The following ARIH1 variants were observed in gnomAD, a reference collection of about 807,000 sequenced individuals.
ARIH1 encodes E3 ubiquitin-protein ligase ARIH1.
ARIH1 carries 8 observed loss-of-function variants against 85.0 expected under a neutral mutation model. The observed-to-expected ratio is 0.09, with a 90% CI of 0.06 to 0.17. The LOEUF (loss-of-function observed/expected upper bound fraction) is 0.17. Among genes scored for constraint, ARIH1 ranks in the 10% least tolerant of loss-of-function variants. The probability of loss-of-function intolerance (pLI) is 1.00; values close to 1 mark genes in which losing one functional copy is unlikely to be tolerated. For synonymous variants in ARIH1, 238 were observed against 253.6 expected (o/e 0.94, Z 0.59); for missense variants, 311 against 718.1 (o/e 0.43, Z 6.48).
chr15:72,588,574 G>A lies in ARIH1; in HGVS notation c.*5282G>A, dbSNP rs899086901. On this transcript the variant is annotated 3_prime_UTR_variant, in exon 14 of 14. Coordinates refer to ENST00000379887, the MANE Select transcript of ARIH1 (RefSeq NM_005744.5). ...TCTATAGTTGCAAAAAGAGAATATAGGCGAGCAACTCCAGATCATAAGGGA... is the reference window on the plus strand; with the variant it reads ...TCTATAGTTGCAAAAAGAGAATATAAGCGAGCAACTCCAGATCATAAGGGA... 1 of 152,106 alleles carries A rather than the reference G, an allele frequency of 6.6e-6. No homozygotes were observed. The highest frequency in any genetic ancestry group is 2.4e-5 in the African/African-American group (1 of 41,414). The allele number at this position is 152,106 out of a possible 1,614,324, so 9.4% of individuals were successfully genotyped here. A position where few individuals can be genotyped will look rare whatever the true frequency, so the allele number is the denominator to read the frequency against.
intron 6 of ARIH1, among the ~76,000 whole-genome samples, chr15:72,563,129 C>T (rs966012023): frequency 3.3e-5 from 5 of 152,232 alleles, no homozygotes; most frequent in African/African-American, 1.2e-4. Context: ...CAGCTCTCTG[C>T]AGCCTCTACT....
chr15:72,554,090 A>T (rs538158091), intron 3 of ARIH1, among the ~76,000 whole-genome samples: 12 of 152,248 alleles, frequency 7.9e-5, no homozygotes, highest in African/African-American at 2.9e-4. Flanking sequence ...TTATTTATGG[A>T]AATATGGAAA....
At chr15:72,574,901 CGCCG>C (rs773063101) in intron 11 of ARIH1, among the ~76,000 whole-genome samples, 3 of 123,978 alleles carry the variant, frequency 2.4e-5, no homozygotes, top group East Asian at 2.7e-4. Context: ...AAGACCCCCC[CGCCG>C]CCCCCGCCCA....
intron 4 of ARIH1, 141 bp from the exon 5 acceptor site, chr15:72,555,711 C>T: frequency 1.4e-6 from 1 of 721,498 alleles, no homozygotes; most frequent in Non-Finnish European, 2.4e-6. Context: ...CTCTCACACA[C>T]ATTTCCTTTA....
chr15:72,547,358 G>A (rs1000909967), intron 3 of ARIH1, among the ~76,000 whole-genome samples: 16 of 151,332 alleles, frequency 1.1e-4, no homozygotes, highest in Admixed American at 6.6e-5. Flanking sequence ...TCAGCCTCCC[G>A]AGTAGCTGGG....
intron 12 of ARIH1, 132 bp downstream of exon 12, chr15:72,581,123 C>A: frequency 1.0e-6 from 1 of 961,724 alleles, no homozygotes; most frequent in Non-Finnish European, 1.5e-6. Context: ...GTATTTATTA[C>A]AAAGATACAA....
intron 1 of ARIH1, among the ~76,000 whole-genome samples, chr15:72,504,864 T>C (rs999760495): frequency 2.6e-5 from 4 of 152,212 alleles, no homozygotes; most frequent in Admixed American, 2.6e-4. Flanking sequence ...TTCTATGATA[T>C]GTCATTGACT....
chr15:72,496,927 T>C lies in ARIH1; in HGVS notation c.376-21140T>C, dbSNP rs1002352119. ...AAACACACATACTTACACACAGACATTGGCAACCAGTACCTCATTATTTAA... is the reference window on the plus strand; with the variant it reads ...AAACACACATACTTACACACAGACACTGGCAACCAGTACCTCATTATTTAA... On this transcript the variant is annotated intron_variant, in intron 1 of 13. Coordinates refer to ENST00000379887, the MANE Select transcript of ARIH1 (RefSeq NM_005744.5). The C allele has an allele frequency of 7.2e-6, 6 of 838,456 alleles. No homozygotes were observed. The African/African-American group carries it at 9.2e-5, about 13-fold the overall frequency. 51.9% of individuals were successfully genotyped at this position (838,456 alleles called of 1,614,324 possible).
intron 3 of ARIH1, among the ~76,000 whole-genome samples, chr15:72,553,024 C>T (rs112196325): frequency 0.038 from 5,822 of 152,200 alleles, 334 homozygotes; most frequent in African/African-American, 0.13. Flanking sequence ...ATCCGCCCAC[C>T]TCTGCCTCCA....
intron 1 of ARIH1, among the ~76,000 whole-genome samples, chr15:72,486,529 T>C (rs1231864726): frequency 6.6e-6 from 1 of 152,134 alleles, no homozygotes; most frequent in Non-Finnish European, 1.5e-5. Context: ...TAATGTCTCA[T>C]TTGATACAGC....
intron 11 of ARIH1, among the ~76,000 whole-genome samples, chr15:72,576,734 ATACTT>A (rs1341154816): frequency 1.3e-5 from 2 of 152,094 alleles, no homozygotes; most frequent in African/African-American, 4.8e-5. Flanking sequence ...TGATAACAAT[ATACTT>A]TACATATCTC....
At chr15:72,570,392 A>G (rs749650331) in intron 10 of ARIH1, 85 bp downstream of exon 10, 38 of 1,522,710 alleles carry the variant, frequency 2.5e-5, no homozygotes, top group Admixed American at 1.5e-4. Flanking sequence ...CATAGATATC[A>G]CCATCTAACT....
chr15:72,496,912 A>T, intron 1 of ARIH1: 6 of 928,274 alleles, frequency 6.5e-6, no homozygotes, highest in Non-Finnish European at 7.7e-6. Context: ...AAACACACAT[A>T]CTTACACACA....
At chr15:72,512,453 G>A (rs2063954747) in intron 1 of ARIH1, among the ~76,000 whole-genome samples, 1 of 151,040 alleles carries the variant, frequency 6.6e-6, no homozygotes, top group African/African-American at 2.4e-5. Flanking sequence ...TATCATCCTA[G>A]GTAGAGTTTT....
intron 1 of ARIH1, among the ~76,000 whole-genome samples, chr15:72,507,341 T>C (rs913277492): frequency 5.9e-5 from 9 of 152,190 alleles, no homozygotes; most frequent in Non-Finnish European, 1.5e-5. Context: ...TGATTCTACC[T>C]GGAGAGTTTG....
intron 2 of ARIH1, among the ~76,000 whole-genome samples, chr15:72,522,666 A>G (rs957347340): frequency 1.3e-5 from 2 of 152,334 alleles, no homozygotes; most frequent in Admixed American, 1.3e-4. Flanking sequence ...GAGAGCAACA[A>G]CAACAACAAA....
chr15:72,519,172 G>T (rs1242854348), intron 2 of ARIH1, among the ~76,000 whole-genome samples: 1 of 151,964 alleles, frequency 6.6e-6, no homozygotes, highest in Non-Finnish European at 1.5e-5. Context: ...AAACCTAGTT[G>T]TTGGGAACTG....
intron 2 of ARIH1, among the ~76,000 whole-genome samples, chr15:72,524,210 G>A (rs555104802): frequency 5.3e-5 from 8 of 150,296 alleles, no homozygotes; most frequent in African/African-American, 2.0e-4. Flanking sequence ...GCCTCCCAAA[G>A]TGCTGGGATT....
Position 72,474,703 on chromosome 15 carries a change from A to G in ARIH1, c.64A>G (p.Ser22Gly), listed in dbSNP as rs768692029. ...GGACGAGGAGTGCAGTGAGGAGGAC[A>G]GCGGCGCCGAGGAGGAGGAGGACGA... ...DEDEECSEED[S>G]GAEEEEDEDD... Residue 22 changes from serine (S) to glycine (G), a missense_variant, in exon 1 of 14, where the codon AGC (serine) becomes GGC (glycine). Physicochemically the swap from Ser to Gly is moderately conservative, Grantham distance 56. Coordinates refer to ENST00000379887, the MANE Select transcript of ARIH1 (RefSeq NM_005744.5). The G allele has an allele frequency of 6.4e-7, 1 of 1,566,350 alleles. No homozygotes were observed. Among genetic ancestry groups the G allele is most frequent in the Admixed American group, 1.8e-5 (1 of 54,560 alleles).
Sources: allele counts gnomAD v4.1 joint callset (sites outside exome capture counted in the v4.1 genomes callset), GRCh38; gene constraint gnomAD v4.1.1; transcripts MANE v1.5; gene names NCBI Gene and HGNC (gene_info 2026-07-23, HGNC 2026-07-21).